Variants in CNOT6L observed in about 807,000 individuals in gnomAD.
CNOT6L encodes the protein CCR4-NOT transcription complex subunit 6-like.
CNOT6L carries 7 observed loss-of-function variants against 64.0 expected under a neutral mutation model. The observed-to-expected ratio is 0.11, with a 90% confidence interval of 0.06 to 0.21. CNOT6L has a LOEUF of 0.21. Ranked by LOEUF, CNOT6L falls within the 10% of genes least tolerant of loss-of-function variation. The pLI is 1.00. For synonymous variants in CNOT6L, 193 were observed against 243.4 expected (o/e 0.79, Z 1.93); for missense variants, 245 against 669.0 (o/e 0.37, Z 6.99).
At chr4:77,819,397 C>T (rs908174885), upstream of CNOT6L, 5 of 1,606,454 alleles carry the variant, frequency 3.1e-6, no homozygotes, top group South Asian at 1.1e-5. Context: ...GCGCACCAGG[C>T]CCCCACAGAT....
At chr4:77,800,381 T>A (rs1157564192) in intron 1 of CNOT6L, among the ~76,000 whole-genome samples, 1 of 151,916 alleles carries the variant, frequency 6.6e-6, no homozygotes, top group Non-Finnish European at 1.5e-5. Flanking sequence ...CACAGTAGCA[T>A]GTGACTGTGA....
At chr4:77,755,366 GCCA>G (rs1725447062) in intron 5 of CNOT6L, among the ~76,000 whole-genome samples, 1 of 149,392 alleles carries the variant, frequency 6.7e-6, no homozygotes, top group African/African-American at 2.5e-5. Flanking sequence ...ACAGGCACGT[GCCA>G]CCACACCTGG....
At chr4:77,803,534 A>G (rs972965576) in intron 1 of CNOT6L, among the ~76,000 whole-genome samples, 1 of 152,218 alleles carries the variant, frequency 6.6e-6, no homozygotes, top group African/African-American at 2.4e-5. Context: ...CATCAAAAAT[A>G]CAGAAATAAA....
intron 5 of CNOT6L, among the ~76,000 whole-genome samples, chr4:77,754,997 A>G (rs954364437): frequency 6.6e-6 from 1 of 151,034 alleles, no homozygotes; most frequent in Non-Finnish European, 1.5e-5. Flanking sequence ...AAGCGGTACC[A>G]TAACAAAAAA....
Position 77,774,516 on chromosome 4 carries a change from T to G in CNOT6L, c.314+14A>C, listed in dbSNP as rs1349721714. 2 of 1,583,262 alleles carry G rather than the reference T, an allele frequency of 1.3e-6. No homozygotes were observed. Among genetic ancestry groups the G allele is most frequent in the African/African-American group, 2.7e-5 (2 of 73,110 alleles). On this transcript the variant is annotated intron_variant, in intron 3 of 11. Transcript: ENST00000504123. ...AATTTTATATAGTGAGTCATGTCTG[T>G]TTTATTTCCTCACCTGAGAGACACC...
chr4:77,771,291 T>C (rs1311925690), intron 4 of CNOT6L, among the ~76,000 whole-genome samples: 2 of 152,010 alleles, frequency 1.3e-5, no homozygotes, highest in Non-Finnish European at 2.9e-5. Flanking sequence ...GATCATGCCA[T>C]TGCACTCCAG....
chr4:77,817,867 G>A (rs571997567), intron 1 of CNOT6L, among the ~76,000 whole-genome samples: 1 of 152,310 alleles, frequency 6.6e-6, no homozygotes, highest in East Asian at 1.9e-4. Flanking sequence ...TCCACAGCAC[G>A]GTTCTAGCTA....
intron 1 of CNOT6L, among the ~76,000 whole-genome samples, chr4:77,786,772 G>C: frequency 6.6e-6 from 1 of 151,868 alleles, no homozygotes; most frequent in Admixed American, 6.6e-5. Flanking sequence ...CCAAGGCCTG[G>C]CCTAAAAATA....
chr4:77,773,488 G>A (rs879705105), intron 3 of CNOT6L, among the ~76,000 whole-genome samples: 1 of 152,118 alleles, frequency 6.6e-6, no homozygotes, highest in Non-Finnish European at 1.5e-5. Flanking sequence ...AAATGCAAAT[G>A]CGACAGATAT....
intron 6 of CNOT6L, among the ~76,000 whole-genome samples, chr4:77,746,570 T>C (rs1300812215): frequency 6.6e-6 from 1 of 152,232 alleles, no homozygotes; most frequent in African/African-American, 2.4e-5. Flanking sequence ...ACAGATTACT[T>C]TGAGAATTCA....
chr4:77,760,860 CTTTT>C (rs754195745), intron 4 of CNOT6L, among the ~76,000 whole-genome samples: 21 of 29,970 alleles, frequency 7.0e-4, no homozygotes, highest in Admixed American at 2.0e-3. Context: ...CCATGCCTGG[CTTTT>C]TTTTTTTTTT....
chr4:77,813,753 T>C (rs957214689), intron 1 of CNOT6L, among the ~76,000 whole-genome samples: 1 of 152,052 alleles, frequency 6.6e-6, no homozygotes, highest in African/African-American at 2.4e-5. Context: ...TAATAACAAT[T>C]GTTGGCATGA....
chr4:77,754,012 A>C (rs1056685697), intron 5 of CNOT6L, among the ~76,000 whole-genome samples: 1 of 152,080 alleles, frequency 6.6e-6, no homozygotes, highest in African/African-American at 2.4e-5. Context: ...TTAATCAAAA[A>C]TTATGAAATT....
chr4:77,757,348 G>A (rs1379581463), intron 4 of CNOT6L, among the ~76,000 whole-genome samples: 1 of 152,040 alleles, frequency 6.6e-6, no homozygotes, highest in African/African-American at 2.4e-5. Flanking sequence ...TAAAAAAGAA[G>A]GGTCTTCGTA....
intron 4 of CNOT6L, among the ~76,000 whole-genome samples, chr4:77,767,450 A>G (rs1382908575): frequency 6.6e-6 from 1 of 152,214 alleles, no homozygotes; most frequent in African/African-American, 2.4e-5. Flanking sequence ...ATATAAAGCC[A>G]TAATAATTAA....
chr4:77,747,657 A>G (rs1197315602), intron 6 of CNOT6L, among the ~76,000 whole-genome samples: 1 of 152,220 alleles, frequency 6.6e-6, no homozygotes, highest in Non-Finnish European at 1.5e-5. Flanking sequence ...CTAAAATGTC[A>G]AATATGAAGA....
At chr4:77,779,582 C>T (rs1728612900) in intron 1 of CNOT6L, among the ~76,000 whole-genome samples, 2 of 151,702 alleles carry the variant, frequency 1.3e-5, no homozygotes, top group African/African-American at 2.4e-5. Flanking sequence ...TTACCAATAT[C>T]TATAATATGT....
chr4:77,742,670 A>T (rs973814385), intron 7 of CNOT6L, among the ~76,000 whole-genome samples: 1 of 152,226 alleles, frequency 6.6e-6, no homozygotes, highest in African/African-American at 2.4e-5. Flanking sequence ...ATTTATATAT[A>T]AAAAGGTAAT....
chr4:77,818,766 C>T (rs1014960873), intron 1 of CNOT6L, among the ~76,000 whole-genome samples: 1 of 151,968 alleles, frequency 6.6e-6, no homozygotes, highest in African/African-American at 2.4e-5. Flanking sequence ...CGCGCGGGCT[C>T]GCCGTCCCGG....
Sources: gnomAD v4.1 joint callset for allele counts (sites outside exome capture counted in the v4.1 genomes callset) on GRCh38, gnomAD v4.1.1 for gene constraint, MANE v1.5 for transcripts, NCBI Gene and HGNC (gene_info 2026-07-23, HGNC 2026-07-21) for gene names.